ZBTB46: variants seen among roughly 807,000 people sequenced by gnomAD.
The protein encoded by ZBTB46 is zinc finger and BTB domain containing 46.
ZBTB46 carries 8 observed loss-of-function variants against 44.1 expected under a neutral mutation model. The ratio of observed to expected loss-of-function variants is 0.18; its 90% confidence interval spans 0.11 to 0.33. ZBTB46 has a LOEUF of 0.33. Ranked by LOEUF, ZBTB46 falls within the 10% of genes least tolerant of loss-of-function variation. ZBTB46 has a pLI of 1.00. For missense variants in ZBTB46, 651 were observed against 847.7 expected, an observed-to-expected ratio of 0.77 and a Z score of 2.88; for synonymous variants, 409 against 382.3, an observed-to-expected ratio of 1.07 and a Z score of -0.81.
chr20:63,769,414 C>T, intron 3 of ZBTB46: 2 of 985,430 alleles, frequency 2.0e-6, no homozygotes, highest in Non-Finnish European at 2.4e-6. Flanking sequence ...GAGTCTCACC[C>T]ACAGGAACGC....
chr20:63,750,046 C>T (rs1448088412), intron 4 of ZBTB46, among the ~76,000 whole-genome samples: 2 of 152,196 alleles, frequency 1.3e-5, no homozygotes, highest in Non-Finnish European at 2.9e-5. Context: ...GCCACTGGTG[C>T]TCTTCCTGGA....
chr20:63,789,954 G>A lies in ZBTB46; in HGVS notation c.804C>T (p.Gly268=). The A allele has an allele frequency of 1.2e-6, 2 of 1,614,122 alleles. No homozygotes were observed. Among genetic ancestry groups the A allele is most frequent in the Non-Finnish European group, 1.7e-6 (2 of 1,180,040 alleles). ...QSAGDAWQPT[G]RRKNRKNKET... ...CTTTGTTTTTCCGATTCTTCCTTCG[G>A]CCCGTGGGCTGCCAGGCATCACCAG... Residue 268 remains glycine (G), a synonymous_variant, in exon 2 of 5, where the codon GGC becomes GGT. Transcript: ENST00000245663.
intron 1 of ZBTB46, among the ~76,000 whole-genome samples, chr20:63,820,939 C>T (rs1219396677): frequency 1.1e-4 from 16 of 151,610 alleles, no homozygotes; most frequent in Non-Finnish European, 1.5e-5. Flanking sequence ...GTTGCCCAGG[C>T]TAGAGTGCAA....
Position 63,829,161 on chromosome 20 carries a change from G to A in ZBTB46, c.-34+1936C>T, listed in dbSNP as rs143503801. 5.9e-4 allele frequency among the ~76,000 whole-genome samples: 90 copies of A among 152,312 alleles called. 1 individual carries two copies. Among genetic ancestry groups the A allele is most frequent in the Non-Finnish European group, 7.5e-4 (51 of 68,022 alleles). ...GACCACCAGGGGCTGGGGAGGGACG[G>A]AGGACGCAGGGCACTGGGTCAGCCT... is the stretch of plus-strand genomic sequence containing the variant. On this transcript the variant is annotated intron_variant, in intron 1 of 4. Transcript: ENST00000245663.
rs1381847720 is a variant in ZBTB46, at chr20:63,808,957, G to A, written c.-33-18167C>T. Among the ~76,000 whole-genome samples the A allele has an allele frequency of 1.6e-4, 21 of 131,988 alleles. 1 individual carries two copies. The highest frequency in any genetic ancestry group is 4.7e-4 in the South Asian group (2 of 4,244). The allele number at this position is 131,988 out of a possible 152,430, so 86.6% of individuals were successfully genotyped here. Reference sequence around the variant, plus strand: ...GCGCCACTGCACTCCAGCCTGGGCGGCAGAGCGAGACTCCGCTTCAAAAAA... The same window carrying A: ...GCGCCACTGCACTCCAGCCTGGGCGACAGAGCGAGACTCCGCTTCAAAAAA... On this transcript the variant is annotated intron_variant, in intron 1 of 4. Coordinates refer to ENST00000245663, the MANE Select transcript of ZBTB46 (RefSeq NM_001369741.1).
intron 1 of ZBTB46, among the ~76,000 whole-genome samples, chr20:63,818,578 G>T (rs1246938290): frequency 6.6e-6 from 1 of 152,180 alleles, no homozygotes; most frequent in Non-Finnish European, 1.5e-5. Context: ...ATCACTGGCT[G>T]GTCGCGGTGG....
intron 1 of ZBTB46, among the ~76,000 whole-genome samples, chr20:63,800,207 G>A (rs1011267234): frequency 6.6e-6 from 1 of 152,134 alleles, no homozygotes; most frequent in Non-Finnish European, 1.5e-5. Flanking sequence ...CACGCCACAC[G>A]GATTATCCCA....
chr20:63,767,883 C>T lies in ZBTB46; in HGVS notation c.1222+7795G>A. On this transcript the variant is annotated intron_variant, in intron 3 of 4. Transcript: ENST00000245663. This position sits in a 1 kb window ranked among gnomAD's most constrained non-coding sequence, Gnocchi z 5.0. ...AAGAAGACTCCTCAGGCATCCTGGACAGGCCACAGGCCCTGCAGAAACCCA... is the reference window on the plus strand; with the variant it reads ...AAGAAGACTCCTCAGGCATCCTGGATAGGCCACAGGCCCTGCAGAAACCCA... The T allele has an allele frequency of 2.0e-6, 2 of 984,198 alleles. No homozygotes were observed. The highest frequency in any genetic ancestry group is 1.1e-4 in the East Asian group (1 of 8,818). The allele number at this position is 984,198 out of a possible 1,614,324, so 61.0% of individuals were successfully genotyped here.
At chr20:63,748,390 C>T (rs1043887517) in intron 4 of ZBTB46, among the ~76,000 whole-genome samples, 6 of 152,206 alleles carry the variant, frequency 3.9e-5, no homozygotes, top group African/African-American at 1.4e-4. Flanking sequence ...CCCAGGTGGG[C>T]TTCCGCTGAG....
At chr20:63,827,395 C>T (rs1047881059) in intron 1 of ZBTB46, among the ~76,000 whole-genome samples, 3 of 152,054 alleles carry the variant, frequency 2.0e-5, no homozygotes, top group Admixed American at 2.0e-4. Context: ...ATCATGAGGT[C>T]AGGAGATCGA....
chr20:63,768,185 A>AT, intron 3 of ZBTB46: 2 of 926,532 alleles, frequency 2.2e-6, no homozygotes, highest in Non-Finnish European at 2.6e-6. Context: ...TTAACAAAAC[A>AT]TTAACACCTG....
chr20:63,761,781 C>CAAAA (rs35095876), intron 3 of ZBTB46, among the ~76,000 whole-genome samples: 28 of 126,582 alleles, frequency 2.2e-4, no homozygotes, highest in Admixed American at 3.3e-4. Context: ...GACTCTGCCT[C>CAAAA]AAAAAAAAAA....
intron 1 of ZBTB46, among the ~76,000 whole-genome samples, chr20:63,799,773 A>C (rs1163243232): frequency 6.6e-6 from 1 of 152,202 alleles, no homozygotes; most frequent in African/African-American, 2.4e-5. Flanking sequence ...AACCACAGCA[A>C]GCTCCCCCAT....
chr20:63,806,165 G>A lies in ZBTB46; in HGVS notation c.-33-15375C>T, dbSNP rs1268402625. The stretch of plus-strand genomic sequence containing the variant: ...GCCTGTAATCCCAGCATTTTGGGAG[G>A]CTGAGACGAGCGGATCACCTGAGGT... On this transcript the variant is annotated intron_variant, in intron 1 of 4. Transcript: ENST00000245663. Among the ~76,000 whole-genome samples, 4 of 150,776 alleles carry A rather than the reference G, an allele frequency of 2.7e-5. No individual in the cohort carries two copies. In the East Asian group the frequency reaches 8.0e-4, roughly 30 times the overall value.
intron 1 of ZBTB46, among the ~76,000 whole-genome samples, chr20:63,800,115 G>T (rs963313817): frequency 2.6e-5 from 4 of 152,214 alleles, no homozygotes; most frequent in Non-Finnish European, 4.4e-5. Flanking sequence ...GGCACAAGAA[G>T]GGGCTGCTGG....
At chr20:63,783,160 T>G (rs2092484566) in intron 2 of ZBTB46, among the ~76,000 whole-genome samples, 1 of 151,886 alleles carries the variant, frequency 6.6e-6, no homozygotes, top group Non-Finnish European at 1.5e-5. Context: ...CTGGGCGTGG[T>G]GGTTCATGCC....
intron 4 of ZBTB46, among the ~76,000 whole-genome samples, chr20:63,749,625 C>G (rs1016618621): frequency 9.9e-5 from 15 of 152,228 alleles, no homozygotes; most frequent in Non-Finnish European, 1.8e-4. Flanking sequence ...CGTCAGCCAC[C>G]GCGCCCAGCC....
intron 1 of ZBTB46, among the ~76,000 whole-genome samples, chr20:63,806,526 T>C (rs955264231): frequency 6.6e-6 from 1 of 152,086 alleles, no homozygotes; most frequent in Non-Finnish European, 1.5e-5. Flanking sequence ...AAATGGTAAC[T>C]TCAAAAAAAA....
intron 1 of ZBTB46, among the ~76,000 whole-genome samples, chr20:63,796,151 G>T (rs1395892083): frequency 6.6e-6 from 1 of 152,226 alleles, no homozygotes; most frequent in African/African-American, 2.4e-5. Context: ...GGGCAGACTG[G>T]GGTTATTTTT....
Sources: gnomAD v4.1 joint callset for allele counts (sites outside exome capture counted in the v4.1 genomes callset) on GRCh38, gnomAD v4.1.1 for gene constraint, Gnocchi (gnomAD v3.1) non-coding constraint, MANE v1.5 for transcripts, NCBI Gene and HGNC (gene_info 2026-07-23, HGNC 2026-07-21) for gene names.